ADGRV1: variants seen among roughly 807,000 people sequenced by gnomAD.
ADGRV1 encodes the protein G-protein coupled receptor 98.
ADGRV1 carries 359 observed loss-of-function variants against 596.2 expected under a neutral mutation model. The ratio of observed to expected loss-of-function variants is 0.60; its 90% CI spans 0.55 to 0.66. The LOEUF (loss-of-function observed/expected upper bound fraction) is 0.66, where lower values mean the gene tolerates loss of function less well. Ranked by LOEUF, ADGRV1 falls within the 30% of genes least tolerant of loss-of-function variation. ADGRV1 has a pLI of 0.00. For synonymous variants in ADGRV1, 2,681 were observed against 2,679.2 expected (o/e 1.00, Z -0.02); for missense variants, 7,274 against 7,575.6 (o/e 0.96, Z 1.48).
At chr5:91,125,148 G>A (rs965806098) in intron 87 of ADGRV1, among the ~76,000 whole-genome samples, 4 of 152,128 alleles carry the variant, frequency 2.6e-5, no homozygotes, top group Admixed American at 1.3e-4. Flanking sequence ...CCTTTCTTTC[G>A]TCTTCCTATT....
chr5:90,744,178 G>C (rs1024677890), intron 50 of ADGRV1, among the ~76,000 whole-genome samples: 2 of 151,888 alleles, frequency 1.3e-5, no homozygotes, highest in African/African-American at 4.8e-5. Flanking sequence ...GTAAAGACAG[G>C]CTCCCACTAT....
chr5:90,728,571 A>G (rs1752102943), intron 48 of ADGRV1, 98 bp from the exon 49 acceptor site: 1 of 1,008,446 alleles, frequency 9.9e-7, no homozygotes, highest in Admixed American at 2.3e-5. Flanking sequence ...TTAACTAAAT[A>G]AAAGGATCCA....
At chr5:90,987,219 G>A (rs1780566271) in intron 85 of ADGRV1, among the ~76,000 whole-genome samples, 2 of 152,110 alleles carry the variant, frequency 1.3e-5, no homozygotes, top group South Asian at 4.1e-4. Context: ...GGTAGCTCAC[G>A]CCTGTAATCC....
intron 21 of ADGRV1, among the ~76,000 whole-genome samples, chr5:90,667,847 A>C (rs1580666322): frequency 2.0e-5 from 3 of 152,106 alleles, no homozygotes; most frequent in African/African-American, 4.8e-5. Context: ...CCTCAGCTGC[A>C]GGGCTGTTGG....
chr5:90,584,489 T>A (rs142815075), intron 1 of ADGRV1, among the ~76,000 whole-genome samples: 2 of 152,388 alleles, frequency 1.3e-5, no homozygotes, highest in Non-Finnish European at 2.9e-5. Flanking sequence ...TGCTCATGAA[T>A]CTGTAATTTG....
intron 1 of ADGRV1, among the ~76,000 whole-genome samples, chr5:90,608,951 A>G (rs1242791445): frequency 2.6e-5 from 4 of 152,094 alleles, no homozygotes; most frequent in Admixed American, 2.0e-4. Context: ...GTGAAAGTCA[A>G]TGGAAACTGG....
At chr5:90,728,642 G>C (rs1488050255) in intron 48 of ADGRV1, 27 bp from the exon 49 acceptor site, 2 of 1,583,800 alleles carry the variant, frequency 1.3e-6, no homozygotes, top group Admixed American at 3.5e-5. Flanking sequence ...AGTCATAAAG[G>C]GTTTTGTATT....
intron 4 of ADGRV1, among the ~76,000 whole-genome samples, chr5:90,620,286 T>C (rs948533284): frequency 1.3e-5 from 2 of 152,086 alleles, no homozygotes; most frequent in African/African-American, 4.8e-5. Context: ...TTTTAATGAT[T>C]GCCATTCTAA....
chr5:90,900,616 C>T (rs1480973840), intron 83 of ADGRV1, among the ~76,000 whole-genome samples: 2 of 152,084 alleles, frequency 1.3e-5, no homozygotes, highest in Non-Finnish European at 2.9e-5. Flanking sequence ...ACAATGCTAC[C>T]TGCATTTCTT....
At chr5:91,157,555 T>C (rs1425011419) in intron 89 of ADGRV1, among the ~76,000 whole-genome samples, 1 of 152,184 alleles carries the variant, frequency 6.6e-6, no homozygotes, top group Non-Finnish European at 1.5e-5. Flanking sequence ...TAATATATTT[T>C]ATACTTAAAA....
intron 1 of ADGRV1, among the ~76,000 whole-genome samples, chr5:90,607,170 A>G (rs1762204928): frequency 6.6e-6 from 1 of 152,174 alleles, no homozygotes; most frequent in African/African-American, 2.4e-5. Flanking sequence ...AGGCAAATGG[A>G]TGAGTAGTGA....
At chr5:90,695,526 A>T (rs1389126403) in intron 33 of ADGRV1, among the ~76,000 whole-genome samples, 1 of 152,150 alleles carries the variant, frequency 6.6e-6, no homozygotes, top group Admixed American at 6.6e-5. Context: ...TGTATACTCT[A>T]AAAACCTCAA....
intron 83 of ADGRV1, among the ~76,000 whole-genome samples, chr5:90,868,091 G>T (rs1441851537): frequency 6.6e-6 from 1 of 152,050 alleles, no homozygotes; most frequent in Non-Finnish European, 1.5e-5. Context: ...TAAAATTCAG[G>T]TAGTGCATCA....
intron 83 of ADGRV1, among the ~76,000 whole-genome samples, chr5:90,954,550 G>T (rs766122532): frequency 6.6e-6 from 1 of 151,872 alleles, no homozygotes; most frequent in Non-Finnish European, 1.5e-5. Context: ...ACCTTTTCTC[G>T]TACTTGCTCA....
chr5:90,711,486 TC>T (rs1749345691), intron 41 of ADGRV1, among the ~76,000 whole-genome samples, 164 bp downstream of exon 41: 1 of 152,206 alleles, frequency 6.6e-6, no homozygotes, highest in Non-Finnish European at 1.5e-5. Flanking sequence ...GTAAAATAGT[TC>T]CCTTAACTAT....
intron 86 of ADGRV1, among the ~76,000 whole-genome samples, chr5:91,079,690 C>T (rs1337801498): frequency 6.6e-6 from 1 of 152,098 alleles, no homozygotes; most frequent in Non-Finnish European, 1.5e-5. Context: ...TGTGGCAGAC[C>T]GGGCCTTTCT....
chr5:91,027,665 T>A (rs1208859646), intron 85 of ADGRV1, among the ~76,000 whole-genome samples: 1 of 152,194 alleles, frequency 6.6e-6, no homozygotes, highest in Non-Finnish European at 1.5e-5. Flanking sequence ...TAGTGTACTA[T>A]GCTTTATACA....
chr5:91,144,665 C>A (rs1795382289), intron 87 of ADGRV1, among the ~76,000 whole-genome samples: 1 of 152,122 alleles, frequency 6.6e-6, no homozygotes, highest in Non-Finnish European at 1.5e-5. Flanking sequence ...ACAAAATAAT[C>A]AAAATGGTAA....
intron 85 of ADGRV1, among the ~76,000 whole-genome samples, chr5:91,032,643 A>G (rs1378084223): frequency 1.3e-5 from 2 of 151,986 alleles, no homozygotes; most frequent in Non-Finnish European, 2.9e-5. Flanking sequence ...TTGCCTTACT[A>G]AGTTTTTGTT....
Sources: allele counts gnomAD v4.1 joint callset (sites outside exome capture counted in the v4.1 genomes callset), GRCh38; gene constraint gnomAD v4.1.1; transcripts MANE v1.5; gene names NCBI Gene and HGNC (gene_info 2026-07-23, HGNC 2026-07-21).